Variants in RELL1 observed in about 807,000 individuals in gnomAD.
RELL1 encodes the protein RELT-like protein 1.
In RELL1, 10 loss-of-function variants were observed where a neutral mutation model predicts 23.0. The ratio of observed to expected loss-of-function variants is 0.43; its 90% CI spans 0.27 to 0.74. The LOEUF is 0.74. Ranked by LOEUF, RELL1 falls within the 30% of genes least tolerant of loss-of-function variation. The probability of loss-of-function intolerance (pLI) is 0.19; values close to 1 mark genes in which losing one functional copy is unlikely to be tolerated. For synonymous variants in RELL1, 146 were observed against 146.8 expected (o/e 0.99, Z 0.04); for missense variants, 315 against 364.4 (o/e 0.86, Z 1.10).
intron 1 of RELL1, among the ~76,000 whole-genome samples, chr4:37,671,503 C>CTA (rs1721832610): frequency 6.6e-6 from 1 of 152,304 alleles, no homozygotes; most frequent in South Asian, 2.1e-4. Context: ...TATATGCTAA[C>CTA]TATAATACAT....
chr4:37,635,134 G>A lies in RELL1; in HGVS notation c.444-11C>T. The A allele has an allele frequency of 2.5e-6, 4 of 1,608,646 alleles. No homozygotes were observed. The highest frequency in any genetic ancestry group is 1.7e-5 in the Admixed American group (1 of 59,950). ...CTGGGGGTCACGGGGCTAATGTGGG[G>A]AGGAAAACAAAAAGAGCAACTGGTT... On this transcript the variant is annotated splice_polypyrimidine_tract_variant and intron_variant, in intron 4 of 6. Transcript: ENST00000454158.
chr4:37,634,830 C>G, intron 5 of RELL1, 57 bp downstream of exon 5: 1 of 1,407,726 alleles, frequency 7.1e-7, no homozygotes, highest in Non-Finnish European at 1.0e-6. Flanking sequence ...AAGCAGAAGT[C>G]CACACACCAG....
intron 6 of RELL1, among the ~76,000 whole-genome samples, chr4:37,627,791 A>C (rs1265810350): frequency 6.6e-6 from 1 of 152,220 alleles, no homozygotes; most frequent in Non-Finnish European, 1.5e-5. Context: ...TTGCAGTAAA[A>C]TTGTTTGGCT....
At chr4:37,609,925 G>T (rs556574533), downstream of RELL1, among the ~76,000 whole-genome samples, 11 of 152,202 alleles carry the variant, frequency 7.2e-5, no homozygotes, top group Non-Finnish European at 1.2e-4. Context: ...TGACAGCAAA[G>T]GATTTAGAAT....
In RELL1 at chr4:37,686,325, G is replaced by T. The variant is rs759966718; in HGVS notation, c.-38C>A. On this transcript the variant is annotated 5_prime_UTR_variant, in exon 1 of 7. Transcript: ENST00000454158. ...TCGCCCTCCTCCCCCAGGGCGCCGCGTCCCGCGCTCGGGAAGGCAGAGCCG... is the reference window on the plus strand; with the variant it reads ...TCGCCCTCCTCCCCCAGGGCGCCGCTTCCCGCGCTCGGGAAGGCAGAGCCG... 2.1e-6 allele frequency: 3 copies of T among 1,448,128 alleles called. No individual in the cohort carries two copies. Among genetic ancestry groups the T allele is most frequent in the Middle Eastern group, 2.0e-4 (1 of 4,918 alleles). 89.7% of individuals were successfully genotyped at this position (1,448,128 alleles called of 1,614,324 possible).
At chr4:37,605,802 A>G (rs1434523605), downstream of RELL1, among the ~76,000 whole-genome samples, 2 of 97,632 alleles carry the variant, frequency 2.0e-5, no homozygotes, top group Non-Finnish European at 4.7e-5. Flanking sequence ...AGAGAAAGAA[A>G]GAAAGAAAGA....
intron 6 of RELL1, among the ~76,000 whole-genome samples, chr4:37,624,980 G>T (rs145372614): frequency 6.6e-6 from 1 of 152,284 alleles, no homozygotes; most frequent in East Asian, 1.9e-4. Flanking sequence ...GCCAAGGATT[G>T]ACTTATGAAC....
At chr4:37,604,820 CAGACACACACAT>C (rs1560323669) in intron 6 of RELL1, among the ~76,000 whole-genome samples, 7 of 107,028 alleles carry the variant, frequency 6.5e-5, no homozygotes, top group Admixed American at 9.7e-5. Flanking sequence ...GACACACACA[CAGACACACACAT>C]ACACACAGAC....
rs114799391 is a variant in RELL1, at chr4:37,624,952, G to A, written c.*3+6433C>T. Among the ~76,000 whole-genome samples, 584 of 152,320 alleles carry A rather than the reference G, an allele frequency of 3.8e-3. 6 individuals carry two copies. Among genetic ancestry groups the A allele is most frequent in the African/African-American group, 0.013 (556 of 41,556 alleles). On this transcript the variant is annotated intron_variant, in intron 6 of 6. Coordinates refer to ENST00000454158, the MANE Select transcript of RELL1 (RefSeq NM_001085400.2). ...ATGACAATTGTTAACAGCAGTGAAT[G>A]TTTAGCAGATACTCTGTGCCAAGGA...
chr4:37,599,709 T>G (rs1173090559), intron 6 of RELL1, among the ~76,000 whole-genome samples: 1 of 152,184 alleles, frequency 6.6e-6, no homozygotes, highest in East Asian at 1.9e-4. Context: ...GCTTTATCTG[T>G]AAAATCTCTG....
Position 37,604,856 on chromosome 4 carries a change from C to CACACACAG in RELL1, c.*4-13640_*4-13639insCTGTGTGT, listed in dbSNP as rs1560323822. Among the ~76,000 whole-genome samples, 103 of 123,192 alleles carry CACACACAG rather than the reference C, an allele frequency of 8.4e-4. 2 individuals are homozygous for CACACACAG. The East Asian group carries it at 0.019, about 23-fold the overall frequency. 80.8% of individuals were successfully genotyped at this position (123,192 alleles called of 152,430 possible). ...ATACACACAGACACACACACAGACA[C>CACACACAG]ACACACACAGACACACACACACATA... On this transcript the variant is annotated intron_variant, in intron 6 of 6. Transcript: ENST00000314117.
intron 4 of RELL1, among the ~76,000 whole-genome samples, chr4:37,637,421 C>G (rs1720370066): frequency 6.6e-6 from 1 of 152,248 alleles, no homozygotes; most frequent in African/African-American, 2.4e-5. Flanking sequence ...TGGACTGAAC[C>G]CTTCACAGGT....
intron 6 of RELL1, among the ~76,000 whole-genome samples, chr4:37,600,394 G>A (rs902931620): frequency 4.0e-5 from 6 of 151,838 alleles, no homozygotes; most frequent in African/African-American, 7.3e-5. Context: ...ACCCACCAAA[G>A]CTGTATGAAT....
chr4:37,670,563 T>C (rs1721799867), intron 1 of RELL1, among the ~76,000 whole-genome samples: 1 of 151,260 alleles, frequency 6.6e-6, no homozygotes, highest in African/African-American at 2.5e-5. Context: ...TTTTTTTTCT[T>C]TCCCACTAAA....
chr4:37,669,327 T>C (rs183716050), intron 1 of RELL1, among the ~76,000 whole-genome samples: 14,798 of 141,008 alleles, frequency 0.1, 1,530 homozygotes, highest in African/African-American at 0.27. Context: ...GGAGCCCCTC[T>C]GCCTGGCCAG....
intron 6 of RELL1, among the ~76,000 whole-genome samples, chr4:37,604,852 GACACACACACAC>G (rs1560323807): frequency 3.7e-5 from 1 of 26,986 alleles, no homozygotes; most frequent in Non-Finnish European, 7.8e-5. Flanking sequence ...CACACACACA[GACACACACACAC>G]AGACACACAC....
intron 5 of RELL1, among the ~76,000 whole-genome samples, chr4:37,634,248 G>T (rs1171510354): frequency 1.3e-5 from 2 of 152,242 alleles, no homozygotes; most frequent in South Asian, 4.1e-4. Context: ...CCCACTAAAA[G>T]AAAGCAGTCA....
At chr4:37,588,620 A>T (rs1463105418), downstream of RELL1, 1 of 500,244 alleles carries the variant, frequency 2.0e-6, no homozygotes, top group African/African-American at 1.9e-5. Context: ...GAAAGGTCTG[A>T]CACAGAGGCA....
intron 6 of RELL1, among the ~76,000 whole-genome samples, chr4:37,602,239 A>AG (rs1553871298): frequency 6.7e-6 from 1 of 148,688 alleles, no homozygotes; most frequent in Non-Finnish European, 1.5e-5. Context: ...AAAAAAAAAA[A>AG]GCAACCAGCA....
Sources: allele counts gnomAD v4.1 joint callset (sites outside exome capture counted in the v4.1 genomes callset), GRCh38; gene constraint gnomAD v4.1.1; transcripts MANE v1.5; gene names NCBI Gene and HGNC (gene_info 2026-07-23, HGNC 2026-07-21).